ZNF292: variants seen among roughly 807,000 people sequenced by gnomAD.
ZNF292 encodes zinc finger protein 292.
A neutral mutation model predicts 217.9 loss-of-function variants in ZNF292; 26 were observed. The observed-to-expected ratio is 0.12, with a 90% confidence interval of 0.09 to 0.17. ZNF292 has a LOEUF of 0.17. ZNF292 is among the 10% of genes least tolerant of loss of function. The pLI, the probability that ZNF292 is intolerant of heterozygous loss-of-function variation, is 1.00. For synonymous variants in ZNF292, 1,257 were observed against 1,124.1 expected (o/e 1.12, Z -2.37); for missense variants, 2,904 against 3,175.2 (o/e 0.91, Z 2.05).
intron 1 of ZNF292, chr6:87,170,108 A>G (rs986054012): frequency 1.3e-5 from 2 of 152,230 alleles, no homozygotes; most frequent in Non-Finnish European, 2.9e-5. Flanking sequence ...GTCAATTTAT[A>G]TTCTGAAATA....
intron 7 of ZNF292, among the ~76,000 whole-genome samples, chr6:87,250,789 A>G (rs1774882123): frequency 6.6e-6 from 1 of 152,186 alleles, no homozygotes; most frequent in Non-Finnish European, 1.5e-5. Flanking sequence ...GGATCTTTTT[A>G]TTTATATAGT....
intron 1 of ZNF292, among the ~76,000 whole-genome samples, chr6:87,192,364 G>GT (rs568245991): frequency 1.1e-3 from 163 of 142,690 alleles, no homozygotes; most frequent in South Asian, 0.011. Flanking sequence ...GGTGAGGGTG[G>GT]TTTTTTTTTT....
In ZNF292 at chr6:87,261,743, A is replaced by T; in HGVS notation, c.8114A>T (p.Asp2705Val). Residue 2705 changes from aspartate (D) to valine (V), a missense_variant, in exon 8 of 8, where the codon GAT becomes GTT. Coordinates refer to ENST00000369577, the MANE Select transcript of ZNF292 (RefSeq NM_015021.3). ...KKLEVHSNDP[D>V]MSVMKDISIG... ...CTTGAAGTACATTCAAATGATCCAG[A>T]TATGTCTGTTATGAAAGATATCAGT... 6.2e-7 allele frequency: 1 copy of T among 1,613,034 alleles called. No individual in the cohort carries two copies.
intron 1 of ZNF292, among the ~76,000 whole-genome samples, chr6:87,164,021 C>A (rs1460095671): frequency 6.6e-6 from 1 of 152,184 alleles, no homozygotes; most frequent in African/African-American, 2.4e-5. Context: ...AATGTTACAA[C>A]CCTTGTTTCG....
Position 87,155,615 on chromosome 6 carries a change from G to C in ZNF292, c.24G>C (p.Gln8His), listed in dbSNP as rs1474243987. MADEEAEQERLSCGEGGC... is the reference protein window; with the variant it reads MADEEAEHERLSCGEGGC... Reference sequence around the variant, plus strand: ...AGATGGCGGACGAAGAGGCCGAGCAGGAGAGGTTGAGTTGCGGCGAAGGCG... The same window carrying C: ...AGATGGCGGACGAAGAGGCCGAGCACGAGAGGTTGAGTTGCGGCGAAGGCG... The change falls in exon 1 of 8, where the codon CAG (glutamine) becomes CAC (histidine). Residue 8 changes from glutamine to histidine, a missense_variant. Gln to His is a conservative substitution (Grantham distance 24). Transcript: ENST00000369577. 6.3e-7 allele frequency: 1 copy of C among 1,583,128 alleles called. No homozygotes were observed. Among genetic ancestry groups the C allele is most frequent in the South Asian group, 1.2e-5 (1 of 86,572 alleles).
intron 4 of ZNF292, among the ~76,000 whole-genome samples, chr6:87,227,114 A>T (rs1222227844): frequency 6.6e-6 from 1 of 152,196 alleles, no homozygotes; most frequent in Non-Finnish European, 1.5e-5. Context: ...ATACTTTCTA[A>T]TCTTTGAAAG....
chr6:87,204,310 T>C (rs1772177785), intron 1 of ZNF292, among the ~76,000 whole-genome samples: 1 of 152,194 alleles, frequency 6.6e-6, no homozygotes. Flanking sequence ...ATAATAGTAA[T>C]GTATCAGTGT....
intron 1 of ZNF292, among the ~76,000 whole-genome samples, chr6:87,187,555 T>C (rs896960911): frequency 6.6e-6 from 1 of 151,774 alleles, no homozygotes. Flanking sequence ...CCATCTCTAC[T>C]AAAAATACAA....
chr6:87,164,428 C>G (rs1476703486), intron 1 of ZNF292, among the ~76,000 whole-genome samples: 1 of 152,154 alleles, frequency 6.6e-6, no homozygotes, highest in Non-Finnish European at 1.5e-5. Flanking sequence ...AGTGGTCAAA[C>G]TCAGCCACCT....
intron 1 of ZNF292, chr6:87,214,944 A>C (rs956130842): frequency 1.4e-5 from 2 of 147,766 alleles, no homozygotes; most frequent in African/African-American, 5.0e-5. Flanking sequence ...TCTGTATGCC[A>C]GAGGATACAG....
chr6:87,206,829 C>T (rs367668509), intron 1 of ZNF292, among the ~76,000 whole-genome samples: 8 of 152,144 alleles, frequency 5.3e-5, no homozygotes, highest in Admixed American at 2.0e-4. Flanking sequence ...TCATCACACA[C>T]GCAGAACCTT....
chr6:87,233,615 G>C, intron 5 of ZNF292, 88 bp downstream of exon 5: 1 of 1,522,452 alleles, frequency 6.6e-7, no homozygotes, highest in Non-Finnish European at 8.8e-7. Flanking sequence ...TTTTCTCTTA[G>C]ATAGCGAAGA....
At chr6:87,168,305 A>G (rs747427333) in intron 1 of ZNF292, among the ~76,000 whole-genome samples, 88 of 152,302 alleles carry the variant, frequency 5.8e-4, no homozygotes, top group Middle Eastern at 6.8e-3. Flanking sequence ...AAAAAATGTT[A>G]AATTTTATTA....
At chr6:87,235,835 T>A (rs997350118) in intron 5 of ZNF292, among the ~76,000 whole-genome samples, 1 of 152,020 alleles carries the variant, frequency 6.6e-6, no homozygotes, top group African/African-American at 2.4e-5. Flanking sequence ...ATATACTCCA[T>A]CCCAGGAAAA....
At position 87,256,023 on chromosome 6, in the gene ZNF292, T is replaced by G; in HGVS notation, c.2394T>G (p.Asp798Glu). The G allele has an allele frequency of 6.2e-7, 1 of 1,607,462 alleles. No individual in the cohort carries two copies. Among genetic ancestry groups the G allele is most frequent in the Non-Finnish European group, 8.5e-7 (1 of 1,176,332 alleles). The stretch of plus-strand genomic sequence containing the variant: ...TTTCGGAAGCTTATTTACTATATGA[T>G]CATGAAGCACAACATTATAATACGT... ...RIFSEAYLLYDHEAQHYNTYT... is the reference protein window; with the variant it reads ...RIFSEAYLLYEHEAQHYNTYT... The change falls in exon 8 of 8, where the codon GAT (aspartate) becomes GAG (glutamate). Residue 798 changes from aspartate (D) to glutamate (E), a missense_variant. Asp to Glu is a conservative substitution (Grantham distance 45). Around this residue, in one of 15 missense-constraint regions of ZNF292, gnomAD observed 216 missense variants for 308.3 expected, o/e 0.70. Coordinates refer to ENST00000369577, the MANE Select transcript of ZNF292 (RefSeq NM_015021.3).
intron 4 of ZNF292, among the ~76,000 whole-genome samples, chr6:87,220,752 C>T (rs1410673594): frequency 6.6e-6 from 1 of 152,166 alleles, no homozygotes; most frequent in Non-Finnish European, 1.5e-5. Flanking sequence ...AATGTCTCTG[C>T]CCATCTCTGT....
chr6:87,234,742 A>G (rs1006999863), intron 5 of ZNF292, among the ~76,000 whole-genome samples: 7 of 152,164 alleles, frequency 4.6e-5, no homozygotes, highest in Middle Eastern at 3.2e-3. Context: ...AAATTGAGAT[A>G]TAAGACAGAG....
intron 1 of ZNF292, among the ~76,000 whole-genome samples, chr6:87,214,399 C>G (rs948809950): frequency 1.3e-5 from 2 of 152,020 alleles, no homozygotes; most frequent in Non-Finnish European, 2.9e-5. Flanking sequence ...TTTATCCTCA[C>G]GTAGAATCTA....
intron 1 of ZNF292, among the ~76,000 whole-genome samples, chr6:87,161,651 A>G (rs1211439013): frequency 1.3e-5 from 2 of 152,208 alleles, no homozygotes; most frequent in African/African-American, 4.8e-5. Flanking sequence ...CCTGTGCTCA[A>G]GCAGTCCTCC....
Sources: gnomAD v4.1 joint callset for allele counts (sites outside exome capture counted in the v4.1 genomes callset) on GRCh38, gnomAD v4.1.1 for gene constraint, gnomAD v4.1.1 regional missense constraint, MANE v1.5 for transcripts, NCBI Gene and HGNC (gene_info 2026-07-23, HGNC 2026-07-21) for gene names.